The following CDH7 variants were observed in gnomAD, a reference collection of about 807,000 sequenced individuals.
The protein encoded by CDH7 is cadherin-7.
Under a neutral mutation model 71.8 loss-of-function variants are expected in CDH7, and 25 were observed. The observed-to-expected ratio is 0.35, with a 90% CI of 0.25 to 0.49. The LOEUF (loss-of-function observed/expected upper bound fraction) is 0.49, where lower values mean the gene tolerates loss of function less well. CDH7 is among the 20% of genes least tolerant of loss of function. CDH7 has a pLI of 0.99. For synonymous variants in CDH7, 381 were observed against 363.8 expected, an observed-to-expected ratio of 1.05 and a Z score of -0.54; for missense variants, 862 against 974.6, an observed-to-expected ratio of 0.88 and a Z score of 1.54.
intron 1 of CDH7, among the ~76,000 whole-genome samples, chr18:65,751,627 A>C (rs1161118641): frequency 6.6e-6 from 1 of 152,136 alleles, no homozygotes; most frequent in Admixed American, 6.5e-5. Context: ...CCTTTGAACC[A>C]TTCGCTCTGG....
At chr18:65,848,468 G>A (rs1359763714) in intron 7 of CDH7, among the ~76,000 whole-genome samples, 1 of 152,158 alleles carries the variant, frequency 6.6e-6, no homozygotes, top group Non-Finnish European at 1.5e-5. Flanking sequence ...TAAATAATCA[G>A]CACTCCAAGT....
At chr18:65,776,348 GAAGA>G in intron 2 of CDH7, among the ~76,000 whole-genome samples, 1 of 139,292 alleles carries the variant, frequency 7.2e-6, no homozygotes, top group Middle Eastern at 3.6e-3. Context: ...TCACACATTT[GAAGA>G]AAGTACAGAA....
chr18:65,793,610 T>TAA (rs2143863770), intron 2 of CDH7, among the ~76,000 whole-genome samples: 1 of 152,324 alleles, frequency 6.6e-6, no homozygotes, highest in Non-Finnish European at 1.5e-5. Context: ...GTGGTGATTA[T>TAA]AAGTTGCCTA....
chr18:65,811,761 T>G (rs1354744005), intron 3 of CDH7, among the ~76,000 whole-genome samples: 2 of 152,160 alleles, frequency 1.3e-5, no homozygotes, highest in African/African-American at 4.8e-5. Context: ...GCTAAGGTTT[T>G]CCTTTCCTGC....
intron 11 of CDH7, among the ~76,000 whole-genome samples, chr18:65,867,041 T>TC (rs1452379373): frequency 1.3e-5 from 2 of 150,946 alleles, no homozygotes; most frequent in African/African-American, 4.9e-5. Context: ...CTAAATTTTT[T>TC]TTTTTTTTTT....
At chr18:65,869,794 CACATA>C (rs1365246574) in intron 11 of CDH7, among the ~76,000 whole-genome samples, 7 of 152,024 alleles carry the variant, frequency 4.6e-5, no homozygotes, top group Non-Finnish European at 8.8e-5. Context: ...GCTGATCTGA[CACATA>C]ACAGAACATT....
At chr18:65,811,653 G>T (rs952640807) in intron 3 of CDH7, among the ~76,000 whole-genome samples, 4 of 152,088 alleles carry the variant, frequency 2.6e-5, no homozygotes, top group Admixed American at 2.6e-4. Flanking sequence ...GATTAGTAAC[G>T]TTTAGTAAAA....
At chr18:65,783,043 G>A (rs971774322) in intron 2 of CDH7, among the ~76,000 whole-genome samples, 2 of 152,176 alleles carry the variant, frequency 1.3e-5, no homozygotes, top group Non-Finnish European at 2.9e-5. Context: ...AACCTTAGTT[G>A]GGAATGTGTG....
At chr18:65,843,719 C>T (rs554037132) in intron 6 of CDH7, 93 bp from the exon 7 acceptor site, 4 of 1,162,240 alleles carry the variant, frequency 3.4e-6, no homozygotes, top group South Asian at 3.8e-5. Flanking sequence ...TGACAGAGTC[C>T]TTCCTAAGCT....
chr18:65,784,442 T>C (rs1293056191), intron 2 of CDH7, among the ~76,000 whole-genome samples: 1 of 152,054 alleles, frequency 6.6e-6, no homozygotes, highest in Non-Finnish European at 1.5e-5. Context: ...CCAGCGTGGC[T>C]AGTTTGGAGT....
intron 2 of CDH7, among the ~76,000 whole-genome samples, chr18:65,802,461 G>A (rs528144116): frequency 1.3e-5 from 2 of 152,234 alleles, no homozygotes; most frequent in Admixed American, 6.5e-5. Flanking sequence ...TTTGAGTGGT[G>A]ATACTTTTGC....
chr18:65,811,716 A>G (rs981889798), intron 3 of CDH7, among the ~76,000 whole-genome samples: 1 of 152,068 alleles, frequency 6.6e-6, no homozygotes, highest in African/African-American at 2.4e-5. Context: ...GTACTCCCAG[A>G]TCTCATGGAC....
intron 2 of CDH7, among the ~76,000 whole-genome samples, chr18:65,800,301 G>A (rs1380773615): frequency 4.6e-5 from 7 of 152,020 alleles, no homozygotes; most frequent in African/African-American, 9.7e-5. Flanking sequence ...GGATGGTCTC[G>A]ATCTCCTGAC....
At chr18:65,806,565 A>G (rs2143897884) in intron 2 of CDH7, among the ~76,000 whole-genome samples, 1 of 152,192 alleles carries the variant, frequency 6.6e-6, no homozygotes, top group Middle Eastern at 3.4e-3. Context: ...TTATAGGATC[A>G]TAGTTTGTTT....
intron 1 of CDH7, among the ~76,000 whole-genome samples, chr18:65,758,980 A>G (rs1267523144): frequency 6.6e-6 from 1 of 152,154 alleles, no homozygotes; most frequent in South Asian, 2.1e-4. Context: ...GAGTTGCTCA[A>G]TTATCAAGTA....
intron 7 of CDH7, among the ~76,000 whole-genome samples, chr18:65,855,858 G>A (rs1447918399): frequency 6.6e-6 from 1 of 152,036 alleles, no homozygotes; most frequent in African/African-American, 2.4e-5. Context: ...ACTCAATCAA[G>A]CAATATAGAA....
chr18:65,759,588 C>G (rs1398565456), intron 1 of CDH7, among the ~76,000 whole-genome samples: 2 of 152,004 alleles, frequency 1.3e-5, no homozygotes, highest in Non-Finnish European at 2.9e-5. Context: ...TGTATTTTAT[C>G]ACAGCTTTAA....
chr18:65,858,014 A>T (rs1003264245), intron 8 of CDH7, 62 bp downstream of exon 8: 1 of 1,509,654 alleles, frequency 6.6e-7, no homozygotes, highest in Non-Finnish European at 9.1e-7. Context: ...ATCGATTGTC[A>T]TGAGGTTGTA....
At chr18:65,841,223 C>T (rs2143983675) in intron 6 of CDH7, among the ~76,000 whole-genome samples, 1 of 152,114 alleles carries the variant, frequency 6.6e-6, no homozygotes, top group Admixed American at 6.5e-5. Flanking sequence ...TTTTTCATGA[C>T]TTTTTAGCAT....
Sources: gnomAD v4.1 joint callset for allele counts (sites outside exome capture counted in the v4.1 genomes callset) on GRCh38, gnomAD v4.1.1 for gene constraint, MANE v1.5 for transcripts, NCBI Gene and HGNC (gene_info 2026-07-23, HGNC 2026-07-21) for gene names.